The following RBFOX1 variants were observed in gnomAD, a reference collection of about 807,000 sequenced individuals.
RBFOX1 encodes RNA binding fox-1 homolog 1.
A neutral mutation model predicts 57.7 loss-of-function variants in RBFOX1; 8 were observed. The ratio of observed to expected loss-of-function variants is 0.14; its 90% CI spans 0.08 to 0.25. The LOEUF is 0.25. Ranked by LOEUF, RBFOX1 falls within the 10% of genes least tolerant of loss-of-function variation. The probability of loss-of-function intolerance (pLI) is 1.00; values close to 1 mark genes in which losing one functional copy is unlikely to be tolerated. For missense variants in RBFOX1, 611 were observed against 548.5 expected (o/e 1.11, Z -1.14); for synonymous variants, 326 against 222.4 (o/e 1.47, Z -4.15).
chr16:7,034,827 C>CTTTTTTTTTTTCTTTTTTATTTTTTTTTT, intron 3 of RBFOX1, among the ~76,000 whole-genome samples: 1 of 54,112 alleles, frequency 1.8e-5, no homozygotes, highest in Admixed American at 2.4e-4. Context: ...TATTGCATTA[C>CTTTTTTTTTTTCTTTTTTATTTTTTTTTT]TTTTTTTTTT....
intron 3 of RBFOX1, among the ~76,000 whole-genome samples, chr16:5,759,432 T>A (rs1381739252): frequency 1.3e-5 from 2 of 152,226 alleles, no homozygotes; most frequent in Non-Finnish European, 2.9e-5. Context: ...CCTCCTCACA[T>A]CATGTGTTGA....
At chr16:6,979,687 CAT>C (rs1448868319) in intron 3 of RBFOX1, among the ~76,000 whole-genome samples, 2 of 152,178 alleles carry the variant, frequency 1.3e-5, no homozygotes, top group Non-Finnish European at 2.9e-5. Flanking sequence ...AATAAATAAA[CAT>C]GTGAGGCGTT....
chr16:5,642,323 G>A (rs991624317), intron 3 of RBFOX1, among the ~76,000 whole-genome samples: 2 of 152,144 alleles, frequency 1.3e-5, no homozygotes, highest in African/African-American at 2.4e-5. Context: ...CGAATTACCC[G>A]AAATACATGA....
At chr16:6,510,536 C>G (rs190981601) in intron 2 of RBFOX1, among the ~76,000 whole-genome samples, 10 of 152,312 alleles carry the variant, frequency 6.6e-5, no homozygotes, top group African/African-American at 2.2e-4. Flanking sequence ...CATTTGTTCA[C>G]TGACTACCCA....
chr16:6,564,565 T>A (rs1474452783), intron 2 of RBFOX1, among the ~76,000 whole-genome samples: 2 of 152,094 alleles, frequency 1.3e-5, no homozygotes, highest in Non-Finnish European at 2.9e-5. Flanking sequence ...AAATACCGCA[T>A]GATCTCACTG....
intron 3 of RBFOX1, among the ~76,000 whole-genome samples, chr16:5,770,382 C>T (rs1567518470): frequency 6.6e-6 from 1 of 152,164 alleles, no homozygotes. Context: ...TTTACAAATG[C>T]CATGGTAACA....
intron 3 of RBFOX1, among the ~76,000 whole-genome samples, chr16:7,028,157 A>G (rs979973441): frequency 4.6e-5 from 7 of 152,306 alleles, no homozygotes; most frequent in Admixed American, 4.6e-4. Context: ...GTCCAATATA[A>G]TAATTGGCTT....
At chr16:6,999,618 A>C (rs1019342198) in intron 3 of RBFOX1, among the ~76,000 whole-genome samples, 3 of 152,110 alleles carry the variant, frequency 2.0e-5, no homozygotes, top group Admixed American at 6.6e-5. Context: ...ATATGTGGCC[A>C]AACTTGTTTT....
chr16:5,480,178 A>G (rs1442561383), intron 2 of RBFOX1, among the ~76,000 whole-genome samples: 2 of 152,166 alleles, frequency 1.3e-5, no homozygotes, highest in Admixed American at 6.5e-5. Flanking sequence ...TTTCATCCGG[A>G]GATGCATAAA....
At chr16:7,625,262 C>T (rs1596737984) in intron 10 of RBFOX1, among the ~76,000 whole-genome samples, 1 of 152,068 alleles carries the variant, frequency 6.6e-6, no homozygotes, top group Non-Finnish European at 1.5e-5. Flanking sequence ...CAGGAATCGC[C>T]ACATTGAGTG....
Position 7,691,488 on chromosome 16 carries a change from A to AAAGGAGG in RBFOX1, c.995+14656_995+14662dup, listed in dbSNP as rs532181526. Among the ~76,000 whole-genome samples, 70 of 152,130 alleles carry AAAGGAGG rather than the reference A, an allele frequency of 4.6e-4. 1 individual carries two copies. In the South Asian group the frequency reaches 0.015, roughly 32 times the overall value. ...AAGGGTAGGAGAGGAAAAGAGGAAG[A>AAAGGAGG]AAGGAGGAAGGAAAAAGGGTAGTTT... On this transcript the variant is annotated intron_variant, in intron 14 of 15. Coordinates refer to ENST00000550418, the MANE Select transcript of RBFOX1 (RefSeq NM_018723.4).
At chr16:7,135,949 A>G (rs2071816544) in intron 4 of RBFOX1, among the ~76,000 whole-genome samples, 1 of 152,232 alleles carries the variant, frequency 6.6e-6, no homozygotes, top group Admixed American at 6.5e-5. Flanking sequence ...TTCATCGGAA[A>G]ATAAAGATCC....
intron 1 of RBFOX1, among the ~76,000 whole-genome samples, chr16:5,462,390 G>C (rs547619261): frequency 6.6e-6 from 1 of 152,034 alleles, no homozygotes; most frequent in Non-Finnish European, 1.5e-5. Context: ...GGCTGGTCTT[G>C]ATCTCCTGAC....
intron 3 of RBFOX1, among the ~76,000 whole-genome samples, chr16:6,965,937 G>T (rs2084041982): frequency 6.6e-6 from 1 of 152,148 alleles, no homozygotes; most frequent in Non-Finnish European, 1.5e-5. Context: ...TAGCATCGGG[G>T]GATCCAGTGC....
intron 6 of RBFOX1, among the ~76,000 whole-genome samples, chr16:7,581,364 G>A (rs530959795): frequency 6.6e-6 from 1 of 152,258 alleles, no homozygotes; most frequent in East Asian, 1.9e-4. Flanking sequence ...AGTAAGACCA[G>A]GTGTGAATGA....
At chr16:6,542,466 C>G (rs977693907) in intron 2 of RBFOX1, among the ~76,000 whole-genome samples, 7 of 138,468 alleles carry the variant, frequency 5.1e-5, no homozygotes, top group African/African-American at 1.9e-4. Context: ...ATCCACTGCC[C>G]TGTGTGGGAC....
chr16:6,917,915 A>T lies in RBFOX1; in HGVS notation c.-15-134142A>T, dbSNP rs72772242. Among the ~76,000 whole-genome samples the T allele has an allele frequency of 2.3e-3, 345 of 152,102 alleles. 2 individuals carry two copies. Among genetic ancestry groups the T allele is most frequent in the African/African-American group, 7.7e-3 (318 of 41,514 alleles). ...AAAGAGGGACAATGGAGACCTGGGT[A>T]TTATCCCTTTAGGGTGTTCTTACTC... On this transcript the variant is annotated intron_variant, in intron 3 of 15. Coordinates refer to ENST00000550418, the MANE Select transcript of RBFOX1 (RefSeq NM_018723.4).
chr16:5,856,253 A>G (rs56291913), intron 3 of RBFOX1, among the ~76,000 whole-genome samples: 33,385 of 69,488 alleles, frequency 0.48, 9,366 homozygotes, highest in Admixed American at 0.53. Flanking sequence ...ATATATATGT[A>G]TATATATGTA....
At chr16:5,942,868 C>A (rs1287200427) in intron 4 of RBFOX1, among the ~76,000 whole-genome samples, 2 of 152,120 alleles carry the variant, frequency 1.3e-5, no homozygotes, top group East Asian at 3.9e-4. Flanking sequence ...GGGAGCTGAT[C>A]CTTTGCATTG....
Sources: gnomAD v4.1 joint callset for allele counts (sites outside exome capture counted in the v4.1 genomes callset) on GRCh38, gnomAD v4.1.1 for gene constraint, MANE v1.5 for transcripts, NCBI Gene and HGNC (gene_info 2026-07-23, HGNC 2026-07-21) for gene names.